The following BDP1 variants were observed in gnomAD, a reference collection of about 807,000 sequenced individuals.
The protein encoded by BDP1 is transcription factor TFIIIB component B'' homolog.
In BDP1, 169 loss-of-function variants were observed where a neutral mutation model predicts 266.6. The ratio of observed to expected loss-of-function variants is 0.63; its 90% CI spans 0.56 to 0.72. The LOEUF is 0.72. Ranked by LOEUF, BDP1 falls within the 30% of genes least tolerant of loss-of-function variation. The pLI is 0.00. For synonymous variants in BDP1, 1,090 were observed against 1,022.4 expected, an observed-to-expected ratio of 1.07 and a Z score of -1.26; for missense variants, 3,015 against 3,053.8, an observed-to-expected ratio of 0.99 and a Z score of 0.30.
chr5:71,482,499 C>T (rs1283269734), intron 7 of BDP1, among the ~76,000 whole-genome samples: 1 of 152,190 alleles, frequency 6.6e-6, no homozygotes, highest in Non-Finnish European at 1.5e-5. Flanking sequence ...TAATGAGTTA[C>T]TTTGCCAAGG....
chr5:71,568,658 C>G (rs751429106), downstream of BDP1, among the ~76,000 whole-genome samples: 5 of 152,182 alleles, frequency 3.3e-5, no homozygotes, highest in Non-Finnish European at 5.9e-5. Flanking sequence ...ACCACTAGAC[C>G]CTTAGGAGAT....
At chr5:71,532,274 G>C in intron 25 of BDP1, 34 bp from the exon 26 acceptor site, 1 of 1,601,754 alleles carries the variant, frequency 6.2e-7, no homozygotes, top group African/African-American at 1.3e-5. Flanking sequence ...TTTATAATAT[G>C]CCAAAATGAA....
intron 26 of BDP1, among the ~76,000 whole-genome samples, chr5:71,533,844 A>G (rs896772802): frequency 6.6e-6 from 1 of 152,126 alleles, no homozygotes; most frequent in Non-Finnish European, 1.5e-5. Context: ...TTGGTGACTA[A>G]TGATGTCAGG....
Position 71,560,291 on chromosome 5 carries a change from A to G in BDP1, c.7496+54A>G, listed in dbSNP as rs140102384. The G allele has an allele frequency of 1.8e-4, 273 of 1,554,644 alleles. No homozygotes were observed. The African/African-American group carries it at 3.5e-3, about 20-fold the overall frequency. Reference sequence around the variant, plus strand: ...TTTGCTCTCTGTCTTAATAAATATAACCTATACAGAACAGATTAGATCCAG... The same window carrying G: ...TTTGCTCTCTGTCTTAATAAATATAGCCTATACAGAACAGATTAGATCCAG... On this transcript the variant is annotated intron_variant, in intron 37 of 38. Coordinates refer to ENST00000358731, the MANE Select transcript of BDP1 (RefSeq NM_018429.3).
intron 37 of BDP1, among the ~76,000 whole-genome samples, chr5:71,561,925 G>A (rs1743684669): frequency 6.6e-6 from 1 of 152,128 alleles, no homozygotes; most frequent in African/African-American, 2.4e-5. Flanking sequence ...TCCCACCTTA[G>A]CCTCCCAAAG....
intron 25 of BDP1, among the ~76,000 whole-genome samples, chr5:71,530,247 T>A (rs1393118418): frequency 6.6e-6 from 1 of 152,104 alleles, no homozygotes; most frequent in Non-Finnish European, 1.5e-5. Context: ...TTATTTTTAT[T>A]TTTTTGAGAT....
chr5:71,455,958 C>T lies in BDP1; in HGVS notation c.81C>T (p.Pro27=), dbSNP rs746760500. 4 of 1,613,102 alleles carry T rather than the reference C, an allele frequency of 2.5e-6. 1 individual carries two copies. ...CCAGGGGCTCCACAGCTTCCAATCC[C>T]CAGCGTGGACGGGAGTCTCCCAGGC... ...VGARGSTASN[P]QRGRESPRPP... The change falls in exon 1 of 39, where the codon CCC becomes CCT. Residue 27 remains proline (P), a synonymous_variant. Coordinates refer to ENST00000358731, the MANE Select transcript of BDP1 (RefSeq NM_018429.3).
At chr5:71,506,366 A>G (rs550531353) in intron 16 of BDP1, among the ~76,000 whole-genome samples, 2 of 152,248 alleles carry the variant, frequency 1.3e-5, no homozygotes, top group East Asian at 1.9e-4. Context: ...TGTTTTATCA[A>G]ATTATACACC....
At chr5:71,473,029 C>T (rs962302111) in intron 7 of BDP1, among the ~76,000 whole-genome samples, 3 of 150,668 alleles carry the variant, frequency 2.0e-5, no homozygotes, top group Non-Finnish European at 4.4e-5. Context: ...ACTACGGGCA[C>T]GTGCCACAAT....
In BDP1 at chr5:71,510,628, AGG is replaced by A. The variant is rs762424554; in HGVS notation, c.3538_3539del (p.Gly1180PhefsTer11). 1 of 1,586,940 alleles carries A rather than the reference AGG, an allele frequency of 6.3e-7. No homozygotes were observed. The highest frequency in any genetic ancestry group is 1.4e-5 in the African/African-American group (1 of 73,860). On this transcript the variant is annotated frameshift_variant, in exon 17 of 39. Transcript: ENST00000358731. LOFTEE classifies it high-confidence loss of function. ...ACAGACTTGAAAACAACTGGAAGAG[AGG>A]GTTCCTCAAGGGAGAAGACACGAGA... is the stretch of plus-strand genomic sequence containing the variant.
downstream of BDP1, among the ~76,000 whole-genome samples, chr5:71,569,197 A>G (rs1398549384): frequency 6.6e-6 from 1 of 152,242 alleles, no homozygotes; most frequent in Non-Finnish European, 1.5e-5. Flanking sequence ...CCTTATTGTT[A>G]AATCAGTGTC....
intron 34 of BDP1, among the ~76,000 whole-genome samples, chr5:71,551,784 C>G (rs1287405187): frequency 6.7e-6 from 1 of 149,398 alleles, no homozygotes; most frequent in East Asian, 2.1e-4. Flanking sequence ...GGCTGACCCC[C>G]CCACCTCCCT....
At chr5:71,573,814 A>G in the BDP1 span, among the ~76,000 whole-genome samples, 1 of 152,154 alleles carries the variant, frequency 6.6e-6, no homozygotes, top group Non-Finnish European at 1.5e-5. Context: ...AGGCCACTAA[A>G]CGTTCCTGGG....
At position 71,553,153 on chromosome 5, in the gene BDP1, A is replaced by G. The variant is rs772940759; in HGVS notation, c.7033A>G (p.Met2345Val). The change falls in exon 35 of 39, where the codon ATG becomes GTG. Residue 2345 changes from methionine (M) to valine (V), a missense_variant. Transcript: ENST00000358731. ...AGCAACTTCAGTTGGTCAAGATGCCATGGGTTTATCTATTTCTGGAAGAGA... is the reference window on the plus strand; with the variant it reads ...AGCAACTTCAGTTGGTCAAGATGCCGTGGGTTTATCTATTTCTGGAAGAGA... ...LPATSVGQDA[M>V]GLSISGRDNS... The G allele has an allele frequency of 1.2e-6, 2 of 1,612,982 alleles. No individual in the cohort carries two copies. The highest frequency in any genetic ancestry group is 1.3e-5 in the African/African-American group (1 of 75,018).
chr5:71,465,529 C>T (rs1226961569), intron 4 of BDP1, among the ~76,000 whole-genome samples: 2 of 152,094 alleles, frequency 1.3e-5, no homozygotes, highest in Admixed American at 6.5e-5. Flanking sequence ...TCTGAAATTG[C>T]TAGGATTACA....
In BDP1 at chr5:71,512,286, G is replaced by A; in HGVS notation, c.4105G>A (p.Glu1369Lys). ...GTCGATGATGCATACACCTGTAGAAGAAAAAAGAAATTCTGAAAAAGAAGT... is the reference window on the plus strand; with the variant it reads ...GTCGATGATGCATACACCTGTAGAAAAAAAAAGAAATTCTGAAAAAGAAGT... Reference protein sequence around the residue: ...VLSMMHTPVEEKRNSEKEVSS... With the variant: ...VLSMMHTPVEKKRNSEKEVSS... Residue 1369 changes from glutamate to lysine, a missense_variant, in exon 18 of 39, where the codon GAA becomes AAA. By Grantham distance (56) the Glu-to-Lys change is moderately conservative. Coordinates refer to ENST00000358731, the MANE Select transcript of BDP1 (RefSeq NM_018429.3). 1 of 1,589,446 alleles carries A rather than the reference G, an allele frequency of 6.3e-7. No individual in the cohort carries two copies. The highest frequency in any genetic ancestry group is 8.5e-7 in the Non-Finnish European group (1 of 1,172,554).
In BDP1 at chr5:71,466,348, G is replaced by C. The variant is rs948285570; in HGVS notation, c.785+127G>C. On this transcript the variant is annotated intron_variant, in intron 5 of 38. Coordinates refer to ENST00000358731, the MANE Select transcript of BDP1 (RefSeq NM_018429.3). The stretch of plus-strand genomic sequence containing the variant: ...ACCTTGACGTTCTTATTTGCATAAT[G>C]AATATTGTAAATAGAAAAGTGGGTT... The C allele has an allele frequency of 2.7e-5, 27 of 998,014 alleles. No individual in the cohort carries two copies. In the South Asian group the frequency reaches 4.8e-4, roughly 18 times the overall value. The allele number at this position is 998,014 out of a possible 1,614,324, so 61.8% of individuals were successfully genotyped here.
rs753630874 is a variant in BDP1, at chr5:71,522,875, G to C, written c.5313G>C (p.Arg1771Ser). 19 of 1,613,034 alleles carry C rather than the reference G, an allele frequency of 1.2e-5. No homozygotes were observed. The highest frequency in any genetic ancestry group is 1.6e-5 in the Non-Finnish European group (19 of 1,179,574). ...AELEEVGPSR[R>S]VGEETVGDNS... Reference sequence around the variant, plus strand: ...TAGAAGAAGTTGGACCATCAAGAAGGGTTGGAGAGGAAACTGTAGGAGATA... The same window carrying C: ...TAGAAGAAGTTGGACCATCAAGAAGCGTTGGAGAGGAAACTGTAGGAGATA... The change falls in exon 24 of 39, where the codon AGG (arginine) becomes AGC (serine). Residue 1771 changes from arginine (R) to serine (S), a missense_variant. Coordinates refer to ENST00000358731, the MANE Select transcript of BDP1 (RefSeq NM_018429.3).
Position 71,512,420 on chromosome 5 carries a change from T to A in BDP1, c.4239T>A (p.Ile1413=), listed in dbSNP as rs758186705. ...ATGTTCCAGAGCAGTTTTCAGATAT[T>A]AATTTAAGGTACAAGTGTGTTTTTA... ...SPDVPEQFSD[I]NLSKSLPQEQ... Residue 1413 remains isoleucine (I), a synonymous_variant, in exon 18 of 39, where the codon ATT becomes ATA. Transcript: ENST00000358731. 6.5e-7 allele frequency: 1 copy of A among 1,533,864 alleles called. No individual in the cohort carries two copies. Among genetic ancestry groups the A allele is most frequent in the Non-Finnish European group, 8.7e-7 (1 of 1,148,300 alleles).
Sources: gnomAD v4.1 joint callset for allele counts (sites outside exome capture counted in the v4.1 genomes callset) on GRCh38, gnomAD v4.1.1 for gene constraint, MANE v1.5 for transcripts, NCBI Gene and HGNC (gene_info 2026-07-23, HGNC 2026-07-21) for gene names.